OXSR1: variants seen among roughly 807,000 people sequenced by gnomAD.
OXSR1 encodes the protein serine/threonine-protein kinase OSR1.
OXSR1 carries 24 observed loss-of-function variants against 79.8 expected under a neutral mutation model. The ratio of observed to expected loss-of-function variants is 0.30; its 90% CI spans 0.22 to 0.42. OXSR1 has a LOEUF of 0.42. Among genes scored for constraint, OXSR1 ranks in the 10% least tolerant of loss-of-function variants. OXSR1 has a pLI of 1.00. For missense variants in OXSR1, 430 were observed against 618.4 expected (o/e 0.70, Z 3.23); for synonymous variants, 226 against 209.2 (o/e 1.08, Z -0.69).
chr3:38,164,399 G>A (rs866590220), upstream of OXSR1, among the ~76,000 whole-genome samples: 10 of 152,098 alleles, frequency 6.6e-5, no homozygotes, highest in African/African-American at 9.7e-5. Context: ...GCCCGCCTCC[G>A]CCTCCCAAAG....
chr3:38,168,437 G>A (rs1701510254), intron 1 of OXSR1, among the ~76,000 whole-genome samples: 1 of 151,716 alleles, frequency 6.6e-6, no homozygotes, highest in South Asian at 2.1e-4. Flanking sequence ...TATATAAATG[G>A]GATCATATAA....
intron 8 of OXSR1, 95 bp from the exon 9 acceptor site, chr3:38,229,592 G>A (rs1415102621): frequency 2.0e-6 from 2 of 1,024,022 alleles, no homozygotes; most frequent in Non-Finnish European, 3.0e-6. Context: ...TTATTTTGCT[G>A]TTGAAAAAAA....
intron 12 of OXSR1, among the ~76,000 whole-genome samples, chr3:38,245,176 A>C (rs1311778630): frequency 6.6e-6 from 1 of 152,144 alleles, no homozygotes; most frequent in East Asian, 1.9e-4. Flanking sequence ...TTGCTTATGT[A>C]ATATCACCTA....
intron 14 of OXSR1, 28 bp downstream of exon 14, chr3:38,247,760 C>G (rs3925158): frequency 0.12 from 184,416 of 1,482,148 alleles, 15,411 homozygotes; most frequent in African/African-American, 0.43. Flanking sequence ...GTTTTGTTTT[C>G]TTTTGTTTTC....
chr3:38,224,706 T>TA lies in OXSR1; in HGVS notation c.836+6dup. 6.5e-7 allele frequency: 1 copy of TA among 1,540,456 alleles called. No homozygotes were observed. The highest frequency in any genetic ancestry group is 8.8e-7 in the Non-Finnish European group (1 of 1,136,732). On this transcript the variant is annotated splice_region_variant and intron_variant, in intron 8 of 17. Transcript: ENST00000311806. ...CCTTCAAAAAGATCCAGAAAAAAGG[T>TA]AAAATATGAGAAAAAGTCTACTTTT...
intron 3 of OXSR1, 37 bp downstream of exon 3, chr3:38,190,876 G>A (rs774709597): frequency 8.9e-7 from 1 of 1,129,904 alleles, no homozygotes; most frequent in South Asian, 1.3e-5. Context: ...AAGTACCATG[G>A]TTTGAAAAGT....
In OXSR1 at chr3:38,252,918, A is replaced by T; in HGVS notation, c.*27A>T. On this transcript the variant is annotated 3_prime_UTR_variant, in exon 18 of 18. Coordinates refer to ENST00000311806, the MANE Select transcript of OXSR1 (RefSeq NM_005109.3). ...CCACAACCCTGGAAGAGGCGGCCTA[A>T]GGAGATTCCACACATGCGTATCTCT... 1 of 1,586,362 alleles carries T rather than the reference A, an allele frequency of 6.3e-7. No individual in the cohort carries two copies. Among genetic ancestry groups the T allele is most frequent in the Non-Finnish European group, 8.7e-7 (1 of 1,154,906 alleles).
intron 11 of OXSR1, among the ~76,000 whole-genome samples, chr3:38,238,101 T>G (rs1269679185): frequency 6.6e-6 from 1 of 152,136 alleles, no homozygotes; most frequent in African/African-American, 2.4e-5. Flanking sequence ...GAAATAGTTA[T>G]AGTAGCTTTC....
intron 2 of OXSR1, 60 bp downstream of exon 2, chr3:38,183,175 G>T: frequency 1.3e-6 from 1 of 752,726 alleles, no homozygotes; most frequent in East Asian, 3.1e-5. Context: ...CATTACAATG[G>T]GAAATAACTT....
intron 8 of OXSR1, among the ~76,000 whole-genome samples, chr3:38,227,095 T>A (rs1259207741): frequency 2.0e-5 from 3 of 152,260 alleles, no homozygotes; most frequent in Admixed American, 6.5e-5. Context: ...TCTATTCCAG[T>A]TTGTAAACCA....
intron 4 of OXSR1, among the ~76,000 whole-genome samples, chr3:38,207,638 C>T (rs1170637520): frequency 1.3e-5 from 2 of 152,038 alleles, no homozygotes; most frequent in Non-Finnish European, 2.9e-5. Flanking sequence ...GTCCAGGAAG[C>T]CCCTTACAAC....
intron 9 of OXSR1, among the ~76,000 whole-genome samples, chr3:38,230,110 A>G (rs1386868564): frequency 6.6e-6 from 1 of 152,164 alleles, no homozygotes; most frequent in East Asian, 1.9e-4. Flanking sequence ...CATGATCTCA[A>G]AGAACATACA....
intron 3 of OXSR1, among the ~76,000 whole-genome samples, chr3:38,194,250 A>G (rs775923649): frequency 6.6e-6 from 1 of 152,194 alleles, no homozygotes; most frequent in Admixed American, 6.5e-5. Context: ...ACTGAGATCT[A>G]AAGAATAAGT....
chr3:38,190,718 CTCT>C lies in OXSR1; in HGVS notation c.184-8_184-6del, dbSNP rs1559505871. The stretch of plus-strand genomic sequence containing the variant: ...TGCATATAATGAATTATTATGTTTT[CTCT>C]TCTTTGTAGAAAGAAATTCAAGCCA... On this transcript the variant is annotated splice_polypyrimidine_tract_variant and intron_variant, in intron 2 of 17. Transcript: ENST00000311806. 6 of 1,378,722 alleles carry C rather than the reference CTCT, an allele frequency of 4.4e-6. No individual in the cohort carries two copies. The Admixed American group carries it at 1.0e-4, about 24-fold the overall frequency. 85.4% of individuals were successfully genotyped at this position (1,378,722 alleles called of 1,614,324 possible).
At chr3:38,179,028 C>CTT (rs35570159) in intron 1 of OXSR1, among the ~76,000 whole-genome samples, 1,123 of 103,514 alleles carry the variant, frequency 0.011, 31 homozygotes, top group Non-Finnish European at 0.016. Context: ...CCACACCTGG[C>CTT]TTTTTTTTTT....
intron 1 of OXSR1, among the ~76,000 whole-genome samples, chr3:38,177,495 A>C (rs1027804657): frequency 6.6e-6 from 1 of 152,230 alleles, no homozygotes; most frequent in African/African-American, 2.4e-5. Context: ...ACTGTTGTCA[A>C]AATTGTTTAT....
chr3:38,167,260 A>G (rs1701485258), intron 1 of OXSR1, among the ~76,000 whole-genome samples: 1 of 152,252 alleles, frequency 6.6e-6, no homozygotes, highest in Non-Finnish European at 1.5e-5. Flanking sequence ...ACTTGCACAT[A>G]GATTGTAATT....
chr3:38,183,489 A>G (rs1010742721), intron 2 of OXSR1, among the ~76,000 whole-genome samples: 1 of 152,158 alleles, frequency 6.6e-6, no homozygotes, highest in Non-Finnish European at 1.5e-5. Flanking sequence ...TGAATAGACC[A>G]CACTTTATTA....
intron 8 of OXSR1, among the ~76,000 whole-genome samples, chr3:38,228,305 G>T (rs1559521195): frequency 6.6e-6 from 1 of 152,166 alleles, no homozygotes; most frequent in African/African-American, 2.4e-5. Flanking sequence ...TGAATAATAA[G>T]AAGCAATGTT....
Sources: gnomAD v4.1 joint callset for allele counts (sites outside exome capture counted in the v4.1 genomes callset) on GRCh38, gnomAD v4.1.1 for gene constraint, MANE v1.5 for transcripts, NCBI Gene and HGNC (gene_info 2026-07-23, HGNC 2026-07-21) for gene names.